DYM: variants seen among roughly 807,000 people sequenced by gnomAD.
DYM encodes dyggve-Melchior-Clausen syndrome protein.
In DYM, 78 loss-of-function variants were observed where a neutral mutation model predicts 93.1. The observed-to-expected ratio is 0.84, with a 90% CI of 0.70 to 1.01. DYM has a LOEUF of 1.01. Ranked by LOEUF, DYM falls within the 50% of genes least tolerant of loss-of-function variation. DYM has a pLI of 0.00. For missense variants in DYM, 789 were observed against 845.0 expected (o/e 0.93, Z 0.82); for synonymous variants, 321 against 319.7 (o/e 1.00, Z -0.04).
intron 2 of DYM, among the ~76,000 whole-genome samples, chr18:49,415,166 T>C (rs2072776328): frequency 6.6e-6 from 1 of 151,120 alleles, no homozygotes; most frequent in South Asian, 2.1e-4. Context: ...CTACCAAAAA[T>C]ACAAAAATTA....
intron 2 of DYM, among the ~76,000 whole-genome samples, chr18:49,409,642 T>C (rs528026090): frequency 1.3e-5 from 2 of 152,338 alleles, no homozygotes; most frequent in South Asian, 4.1e-4. Context: ...GAAAAAATAT[T>C]TGTTGGTAGG....
At chr18:49,150,937 T>G (rs2085744215) in intron 15 of DYM, among the ~76,000 whole-genome samples, 1 of 152,204 alleles carries the variant, frequency 6.6e-6, no homozygotes, top group African/African-American at 2.4e-5. Flanking sequence ...ATTGTTTAGT[T>G]CTGAAATGTC....
intron 7 of DYM, among the ~76,000 whole-genome samples, chr18:49,333,272 C>G (rs559731794): frequency 6.6e-6 from 1 of 152,298 alleles, no homozygotes; most frequent in South Asian, 2.1e-4. Flanking sequence ...GGATAGCACA[C>G]AGCAAATATT....
At position 49,413,966 on chromosome 18, in the gene DYM, C is replaced by T. The variant is rs559340784; in HGVS notation, c.140+16289G>A. 2.0e-4 allele frequency among the ~76,000 whole-genome samples: 30 copies of T among 152,086 alleles called. No homozygotes were observed. The South Asian group carries it at 5.6e-3, about 28-fold the overall frequency. On this transcript the variant is annotated intron_variant, in intron 2 of 17. Transcript: ENST00000675505. ...CGGAGGTTACATTGAGCCAAAATCA[C>T]GCCACTGCACTCCAGCCTGGACAAC...
rs1043125358 is a variant in DYM, at chr18:49,219,168, A to C, written c.1461-9453T>G. 7.2e-5 allele frequency among the ~76,000 whole-genome samples: 11 copies of C among 152,182 alleles called. No individual in the cohort carries two copies. The South Asian group carries it at 1.2e-3, about 17-fold the overall frequency. ...CTAGAAAATCTAGAAGAAATGGATA[A>C]ATTCCTCGACACATACACCCTCCCA... On this transcript the variant is annotated intron_variant, in intron 13 of 17. Transcript: ENST00000675505.
At chr18:49,206,144 G>C (rs1439709882) in intron 14 of DYM, among the ~76,000 whole-genome samples, 1 of 151,690 alleles carries the variant, frequency 6.6e-6, no homozygotes, top group Non-Finnish European at 1.5e-5. Flanking sequence ...GACTACAAGC[G>C]TGTGCCACCA....
At chr18:49,306,092 T>A (rs934656952) in intron 8 of DYM, among the ~76,000 whole-genome samples, 1 of 152,146 alleles carries the variant, frequency 6.6e-6, no homozygotes, top group Non-Finnish European at 1.5e-5. Flanking sequence ...GACTGAAAGA[T>A]AAATCCAAGG....
intron 8 of DYM, among the ~76,000 whole-genome samples, chr18:49,307,920 C>A (rs1166165823): frequency 1.3e-5 from 2 of 152,186 alleles, no homozygotes; most frequent in African/African-American, 2.4e-5. Context: ...AAGTCAGGAA[C>A]TGAAATTAAT....
chr18:49,181,899 C>T (rs182558819), intron 14 of DYM, among the ~76,000 whole-genome samples: 241 of 152,190 alleles, frequency 1.6e-3, no homozygotes, highest in Non-Finnish European at 3.0e-3. Context: ...GCTGAAGTCA[C>T]TGATTTGAGA....
chr18:49,214,347 C>T (rs2092931010), intron 13 of DYM, among the ~76,000 whole-genome samples: 2 of 152,142 alleles, frequency 1.3e-5, no homozygotes, highest in Admixed American at 1.3e-4. Flanking sequence ...ATGAACTGCA[C>T]ATGCGAGGAA....
At chr18:49,120,117 A>G (rs1331715403) in intron 15 of DYM, among the ~76,000 whole-genome samples, 1 of 151,530 alleles carries the variant, frequency 6.6e-6, no homozygotes, top group Non-Finnish European at 1.5e-5. Flanking sequence ...AAAGAAAAAG[A>G]AAAAAAGAAC....
intron 17 of DYM, among the ~76,000 whole-genome samples, chr18:49,050,583 G>T (rs2072297737): frequency 6.6e-6 from 1 of 152,030 alleles, no homozygotes; most frequent in African/African-American, 2.4e-5. Flanking sequence ...AGCCACACGG[G>T]GCTGCGGGGG....
At chr18:49,104,229 A>T (rs930334091) in intron 16 of DYM, among the ~76,000 whole-genome samples, 3 of 152,142 alleles carry the variant, frequency 2.0e-5, no homozygotes, top group Admixed American at 2.0e-4. Flanking sequence ...TTATTGGTGT[A>T]TAAGAATGCT....
At chr18:49,261,156 A>G (rs1443032979) in intron 11 of DYM, among the ~76,000 whole-genome samples, 5 of 152,190 alleles carry the variant, frequency 3.3e-5, no homozygotes, top group Non-Finnish European at 5.9e-5. Context: ...AACACAAAGG[A>G]ATACCACACT....
chr18:49,148,827 C>T (rs140247713), intron 15 of DYM, among the ~76,000 whole-genome samples: 7 of 152,308 alleles, frequency 4.6e-5, no homozygotes, highest in Non-Finnish European at 8.8e-5. Context: ...ACTCCCTGCT[C>T]TATTTTATTA....
chr18:49,379,060 C>T (rs2067792874), intron 4 of DYM, among the ~76,000 whole-genome samples: 1 of 152,094 alleles, frequency 6.6e-6, no homozygotes, highest in Non-Finnish European at 1.5e-5. Flanking sequence ...AGAATATATG[C>T]AAATATGTAA....
chr18:49,165,983 A>G (rs1274982876), intron 14 of DYM, among the ~76,000 whole-genome samples: 1 of 149,270 alleles, frequency 6.7e-6, no homozygotes, highest in South Asian at 2.2e-4. Flanking sequence ...GTACTATACA[A>G]GAAGTAGAAA....
chr18:49,422,141 G>A (rs987205611), intron 2 of DYM, among the ~76,000 whole-genome samples: 7 of 152,098 alleles, frequency 4.6e-5, no homozygotes, highest in Admixed American at 2.6e-4. Context: ...TTCAAATTCA[G>A]GAAATACAGA....
rs150632977 is a variant in DYM at position 49,426,091 on chromosome 18, G to A, written c.140+4164C>T. Among the ~76,000 whole-genome samples the A allele has an allele frequency of 1.6e-4, 25 of 152,246 alleles. No individual in the cohort carries two copies. The East Asian group carries it at 3.3e-3, about 20-fold the overall frequency. Reference sequence around the variant, plus strand: ...AAAGCATGCTGCTATCAAGACACATGCACACATATGTTTATTGTGGCACTA... The same window carrying A: ...AAAGCATGCTGCTATCAAGACACATACACACATATGTTTATTGTGGCACTA... On this transcript the variant is annotated intron_variant, in intron 2 of 17. Coordinates refer to ENST00000675505, the MANE Select transcript of DYM (RefSeq NM_001353214.3).
Sources: allele counts gnomAD v4.1 joint callset (sites outside exome capture counted in the v4.1 genomes callset), GRCh38; gene constraint gnomAD v4.1.1; transcripts MANE v1.5; gene names NCBI Gene and HGNC (gene_info 2026-07-23, HGNC 2026-07-21).